KCND2: variants seen among roughly 807,000 people sequenced by gnomAD.
KCND2 encodes A-type voltage-gated potassium channel KCND2.
In KCND2, 16 loss-of-function variants were observed where a neutral mutation model predicts 54.4. The observed-to-expected ratio is 0.29, with a 90% confidence interval of 0.20 to 0.45. The LOEUF (loss-of-function observed/expected upper bound fraction) is 0.45, where lower values mean the gene tolerates loss of function less well. Ranked by LOEUF, KCND2 falls within the 20% of genes least tolerant of loss-of-function variation. The pLI, the probability that KCND2 is intolerant of heterozygous loss-of-function variation, is 1.00. For synonymous variants in KCND2, 317 were observed against 310.7 expected, an observed-to-expected ratio of 1.02 and a Z score of -0.21; for missense variants, 486 against 824.2, an observed-to-expected ratio of 0.59 and a Z score of 5.02.
intron 1 of KCND2, among the ~76,000 whole-genome samples, chr7:120,582,096 T>C (rs1057122983): frequency 3.9e-5 from 6 of 152,132 alleles, no homozygotes; most frequent in African/African-American, 1.4e-4. Context: ...TCTATGTCAC[T>C]CTTCATCTAC....
intron 1 of KCND2, among the ~76,000 whole-genome samples, chr7:120,699,790 T>G (rs1295948836): frequency 6.6e-6 from 1 of 152,158 alleles, no homozygotes; most frequent in Non-Finnish European, 1.5e-5. Flanking sequence ...CAGTCTTAGA[T>G]TGGTAGGTTT....
chr7:120,353,658 G>T (rs975742459), intron 1 of KCND2, among the ~76,000 whole-genome samples: 7 of 152,066 alleles, frequency 4.6e-5, no homozygotes, highest in Non-Finnish European at 8.8e-5. Context: ...AAACATATGG[G>T]TCTATAGCTC....
chr7:120,621,229 C>T (rs1270710156), intron 1 of KCND2, among the ~76,000 whole-genome samples: 3 of 145,058 alleles, frequency 2.1e-5, no homozygotes, highest in Non-Finnish European at 3.0e-5. Flanking sequence ...GCCGAGATCA[C>T]GCCACTGCAC....
intron 1 of KCND2, among the ~76,000 whole-genome samples, chr7:120,375,464 T>G (rs1179040219): frequency 6.6e-6 from 1 of 151,846 alleles, no homozygotes; most frequent in East Asian, 1.9e-4. Context: ...CATTGTTCAG[T>G]TCTATTTCTT....
chr7:120,730,684 C>G (rs929800329), intron 1 of KCND2, among the ~76,000 whole-genome samples: 6 of 152,152 alleles, frequency 3.9e-5, no homozygotes, highest in Non-Finnish European at 5.9e-5. Flanking sequence ...CCCACAAACA[C>G]CAACAGGAAT....
intron 1 of KCND2, among the ~76,000 whole-genome samples, chr7:120,366,674 T>C (rs528537691): frequency 1.8e-4 from 27 of 152,234 alleles, no homozygotes; most frequent in Middle Eastern, 3.4e-3. Context: ...GACAGAACAA[T>C]GCTCTGTGGT....
At chr7:120,340,458 G>T (rs552587961) in intron 1 of KCND2, among the ~76,000 whole-genome samples, 1 of 152,292 alleles carries the variant, frequency 6.6e-6, no homozygotes, top group South Asian at 2.1e-4. Flanking sequence ...TTTGTAGGGG[G>T]CAAAGGAAAC....
chr7:120,576,093 A>G (rs1792429089), intron 1 of KCND2, among the ~76,000 whole-genome samples: 1 of 152,106 alleles, frequency 6.6e-6, no homozygotes, highest in African/African-American at 2.4e-5. Context: ...CCCAAAAGTC[A>G]ATAATCATGC....
At chr7:120,302,010 A>G (rs2116296700) in intron 1 of KCND2, among the ~76,000 whole-genome samples, 1 of 152,260 alleles carries the variant, frequency 6.6e-6, no homozygotes, top group South Asian at 2.1e-4. Flanking sequence ...TAGAAAATGG[A>G]ACACCAAGCT....
chr7:120,678,413 A>G (rs1489197464), intron 1 of KCND2, among the ~76,000 whole-genome samples: 2 of 135,900 alleles, frequency 1.5e-5, no homozygotes, highest in Non-Finnish European at 3.1e-5. Flanking sequence ...ACATATATAT[A>G]CACATACACA....
chr7:120,452,151 T>C (rs1415640127), intron 1 of KCND2, among the ~76,000 whole-genome samples: 1 of 152,212 alleles, frequency 6.6e-6, no homozygotes, highest in Non-Finnish European at 1.5e-5. Flanking sequence ...AGTTTTAAAA[T>C]TGAAGAGCTA....
At chr7:120,479,766 A>G (rs1272732953) in intron 1 of KCND2, among the ~76,000 whole-genome samples, 1 of 131,694 alleles carries the variant, frequency 7.6e-6, no homozygotes, top group Non-Finnish European at 1.6e-5. Flanking sequence ...CCATCTCTAA[A>G]TATATATATA....
At chr7:120,687,552 A>G (rs1792219185) in intron 1 of KCND2, among the ~76,000 whole-genome samples, 1 of 152,078 alleles carries the variant, frequency 6.6e-6, no homozygotes, top group African/African-American at 2.4e-5. Flanking sequence ...ATTGGGGCTC[A>G]TGCCTGTAAT....
intron 1 of KCND2, among the ~76,000 whole-genome samples, chr7:120,714,812 A>G (rs1436275786): frequency 6.6e-6 from 1 of 151,994 alleles, no homozygotes; most frequent in Non-Finnish European, 1.5e-5. Context: ...CTCCATTCAA[A>G]TGATCCTGTT....
At chr7:120,448,749 G>A (rs552650804) in intron 1 of KCND2, among the ~76,000 whole-genome samples, 7 of 152,172 alleles carry the variant, frequency 4.6e-5, no homozygotes, top group African/African-American at 1.7e-4. Flanking sequence ...CTTCATCCCT[G>A]GGATGCAAGG....
At chr7:120,495,013 A>G (rs979893330) in intron 1 of KCND2, among the ~76,000 whole-genome samples, 3 of 152,214 alleles carry the variant, frequency 2.0e-5, no homozygotes, top group African/African-American at 2.4e-5. Context: ...CTGTGTTGCC[A>G]CAAGTAGTTA....
At chr7:120,677,566 T>TATATAGAG (rs1562906497) in intron 1 of KCND2, among the ~76,000 whole-genome samples, 1 of 124,716 alleles carries the variant, frequency 8.0e-6, no homozygotes, top group African/African-American at 3.2e-5. Flanking sequence ...GATATATAGA[T>TATATAGAG]ATATAGATAT....
chr7:120,457,522 A>C (rs887196006), intron 1 of KCND2, among the ~76,000 whole-genome samples: 1 of 152,322 alleles, frequency 6.6e-6, no homozygotes, highest in Admixed American at 6.5e-5. Flanking sequence ...AGCAAGAGTG[A>C]CATTTACTCC....
At chr7:120,592,179 A>G (rs1180009142) in intron 1 of KCND2, among the ~76,000 whole-genome samples, 1 of 152,162 alleles carries the variant, frequency 6.6e-6, no homozygotes, top group East Asian at 1.9e-4. Context: ...CACATGCGAC[A>G]ATTCTGACAA....
Sources: allele counts gnomAD v4.1 joint callset (sites outside exome capture counted in the v4.1 genomes callset), GRCh38; gene constraint gnomAD v4.1.1; transcripts MANE v1.5; gene names NCBI Gene and HGNC (gene_info 2026-07-23, HGNC 2026-07-21).